Variants in NXPE3 observed in about 807,000 individuals in gnomAD.
NXPE3 encodes neurexophilin and PC-esterase domain family member 3.
Under a neutral mutation model 46.1 loss-of-function variants are expected in NXPE3, and 26 were observed. The ratio of observed to expected loss-of-function variants is 0.56; its 90% CI spans 0.41 to 0.78. NXPE3 has a LOEUF of 0.78. NXPE3 is among the 30% of genes least tolerant of loss of function. The pLI is 0.00. For synonymous variants in NXPE3, 272 were observed against 257.9 expected, an observed-to-expected ratio of 1.05 and a Z score of -0.52; for missense variants, 620 against 686.0, an observed-to-expected ratio of 0.90 and a Z score of 1.07.
Position 101,801,843 on chromosome 3 carries a change from C to T in NXPE3, c.702C>T (p.Pro234=). Residue 234 remains proline, a synonymous_variant, in exon 5 of 8, where the codon CCC becomes CCT. Coordinates refer to ENST00000273347, the MANE Select transcript of NXPE3 (RefSeq NM_145037.4). The part of the protein sequence containing the change: ...ECNVCLPGNL[P]LCNFTDLYTG... Reference sequence around the variant, plus strand: ...ACGTGTGTCTTCCTGGGAATCTGCCCCTGTGTAACTTTACAGACCTCTACA... The same window carrying T: ...ACGTGTGTCTTCCTGGGAATCTGCCTCTGTGTAACTTTACAGACCTCTACA... 6.2e-7 allele frequency: 1 copy of T among 1,614,044 alleles called. No homozygotes were observed. Among genetic ancestry groups the T allele is most frequent in the Middle Eastern group, 1.6e-4 (1 of 6,062 alleles).
At chr3:101,811,121 T>C (rs1941688414) in intron 6 of NXPE3, among the ~76,000 whole-genome samples, 1 of 152,120 alleles carries the variant, frequency 6.6e-6, no homozygotes. Context: ...CGCCCGGCCT[T>C]GAATGACCTT....
At chr3:101,793,717 G>GTTTTTA (rs1363855080) in intron 4 of NXPE3, among the ~76,000 whole-genome samples, 1 of 105,556 alleles carries the variant, frequency 9.5e-6, no homozygotes, top group Non-Finnish European at 1.9e-5. Context: ...TCAGGTTATT[G>GTTTTTA]TTTTTATTTT....
In NXPE3 at chr3:101,821,861, C is replaced by G; in HGVS notation, c.1587C>G (p.Ala529=). The G allele has an allele frequency of 6.2e-7, 1 of 1,614,052 alleles. No homozygotes were observed. The highest frequency in any genetic ancestry group is 1.6e-4 in the Middle Eastern group (1 of 6,062). ...TCGATGCCTGGGAGATGACCCTGGC[C>G]CATTATCTACCGCACAAGCTGCATC... ...YLVDAWEMTL[A]HYLPHKLHPD... is the part of the protein sequence containing the mutation. The change falls in exon 8 of 8, where the codon GCC becomes GCG. Residue 529 remains alanine, a synonymous_variant. Transcript: ENST00000273347.
chr3:101,815,599 C>T (rs1941933914), intron 6 of NXPE3, among the ~76,000 whole-genome samples: 1 of 152,164 alleles, frequency 6.6e-6, no homozygotes, highest in Non-Finnish European at 1.5e-5. Flanking sequence ...CATGGTGGCT[C>T]ACGCCTGTAA....
In NXPE3 at chr3:101,782,796, C is replaced by A. The variant is rs1939901248; in HGVS notation, c.-196+16C>A. On this transcript the variant is annotated intron_variant, in intron 3 of 7. Coordinates refer to ENST00000273347, the MANE Select transcript of NXPE3 (RefSeq NM_145037.4). The stretch of plus-strand genomic sequence containing the variant: ...GGGACTATAGGTGCGTACTACCATG[C>A]CCAGCTAATTAAAAAAAAATTTTTT... 1 of 152,034 alleles carries A rather than the reference C, an allele frequency of 6.6e-6. No homozygotes were observed. The highest frequency in any genetic ancestry group is 1.5e-5 in the Non-Finnish European group (1 of 68,028). 9.4% of individuals were successfully genotyped at this position (152,034 alleles called of 1,614,324 possible).
At chr3:101,807,010 A>G (rs764703130) in intron 5 of NXPE3, 43 bp from the exon 6 acceptor site, 1 of 1,320,798 alleles carries the variant, frequency 7.6e-7, no homozygotes, top group Admixed American at 1.7e-5. Context: ...CTGAAAATAA[A>G]TGTTCCTGAA....
At position 101,821,768 on chromosome 3, in the gene NXPE3, CGA is replaced by C; in HGVS notation, c.1495_1496del (p.Asp499LeufsTer41). ...LGPEVSLFNS[D>X]WYNFQLDTIL... is the part of the protein sequence containing the mutation. ...GACCTGAGGTGAGCCTTTTCAACAG[CGA>C]CTGGTACAACTTTCAGCTGGACACC... On this transcript the variant is annotated frameshift_variant, in exon 8 of 8. Transcript: ENST00000273347. LOFTEE classifies it high-confidence loss of function. The C allele has an allele frequency of 6.2e-7, 1 of 1,614,216 alleles. No homozygotes were observed. Among genetic ancestry groups the C allele is most frequent in the Non-Finnish European group, 8.5e-7 (1 of 1,180,032 alleles).
intron 6 of NXPE3, among the ~76,000 whole-genome samples, chr3:101,811,010 G>T (rs1431054508): frequency 4.6e-5 from 7 of 152,060 alleles, no homozygotes; most frequent in Admixed American, 3.9e-4. Flanking sequence ...AGTAGAGACG[G>T]GGTTTTCACT....
Position 101,785,609 on chromosome 3 carries a change from T to G in NXPE3, c.13T>G (p.Phe5Val), listed in dbSNP as rs777876100. MWTNFFKLRLFCCLL... is the reference protein window; with the variant it reads MWTNVFKLRLFCCLL... ...ACACAGCCAGACAATGTGGACCAAT[T>G]TCTTCAAACTACGGCTTTTCTGCTG... The change falls in exon 4 of 8, where the codon TTC becomes GTC. Residue 5 changes from phenylalanine (F) to valine (V), a missense_variant. Physicochemically the swap from Phe to Val is conservative, Grantham distance 50 (BLOSUM62 -1). Around this residue, in one of 3 missense-constraint regions of NXPE3, gnomAD observed 511 missense variants for 528.6 expected, o/e 0.97. Coordinates refer to ENST00000273347, the MANE Select transcript of NXPE3 (RefSeq NM_145037.4). 1 of 1,614,006 alleles carries G rather than the reference T, an allele frequency of 6.2e-7. No individual in the cohort carries two copies. The highest frequency in any genetic ancestry group is 1.1e-5 in the South Asian group (1 of 91,072).
chr3:101,798,489 A>G (rs909145653), intron 4 of NXPE3, among the ~76,000 whole-genome samples: 2 of 150,956 alleles, frequency 1.3e-5, no homozygotes, highest in Non-Finnish European at 2.9e-5. Context: ...GGCTCAAGCA[A>G]TCCTCATATA....
At chr3:101,796,401 T>A (rs1940831402) in intron 4 of NXPE3, among the ~76,000 whole-genome samples, 1 of 152,220 alleles carries the variant, frequency 6.6e-6, no homozygotes, top group Non-Finnish European at 1.5e-5. Context: ...ATTTTTGCAT[T>A]TTTGTCATTT....
intron 4 of NXPE3, among the ~76,000 whole-genome samples, chr3:101,793,781 A>G (rs992093005): frequency 6.6e-5 from 10 of 151,678 alleles, no homozygotes; most frequent in Non-Finnish European, 1.5e-4. Flanking sequence ...TAGTTTCTTT[A>G]TACACATATG....
At chr3:101,783,149 C>T (rs1422856944) in intron 3 of NXPE3, among the ~76,000 whole-genome samples, 1 of 152,174 alleles carries the variant, frequency 6.6e-6, no homozygotes, top group East Asian at 1.9e-4. Flanking sequence ...GCAAGCTCCG[C>T]CTCCCAGGTT....
chr3:101,792,341 C>T (rs1436125948), intron 4 of NXPE3, among the ~76,000 whole-genome samples: 6 of 152,116 alleles, frequency 3.9e-5, no homozygotes. Context: ...TTTGCCCATT[C>T]CTATGTCTGG....
chr3:101,801,772 A>G lies in NXPE3; in HGVS notation c.631A>G (p.Lys211Glu). 6.2e-7 allele frequency: 1 copy of G among 1,614,238 alleles called. No homozygotes were observed. The highest frequency in any genetic ancestry group is 8.5e-7 in the Non-Finnish European group (1 of 1,180,040). Residue 211 changes from lysine (K) to glutamate (E), a missense_variant, in exon 5 of 8, where the codon AAG becomes GAG. Coordinates refer to ENST00000273347, the MANE Select transcript of NXPE3 (RefSeq NM_145037.4). ...QEDKPDRVYF[K>E]SLFRSGRISE... is the part of the protein sequence containing the mutation. ...AGATAAACCAGACAGGGTCTATTTC[A>G]AGAGTCTCTTCCGTTCAGGAAGAAT... is the stretch of plus-strand genomic sequence containing the variant.
chr3:101,819,315 TAC>T (rs1942141781), intron 7 of NXPE3, among the ~76,000 whole-genome samples: 1 of 152,232 alleles, frequency 6.6e-6, no homozygotes, highest in Admixed American at 6.5e-5. Flanking sequence ...TGATGAATTA[TAC>T]AGAGTTTTTT....
chr3:101,798,110 T>C (rs1193178729), intron 4 of NXPE3, among the ~76,000 whole-genome samples: 1 of 147,708 alleles, frequency 6.8e-6, no homozygotes, highest in African/African-American at 2.5e-5. Flanking sequence ...TTTTAATGAT[T>C]GCCATTCTAA....
chr3:101,821,691 C>A lies in NXPE3; in HGVS notation c.1417C>A (p.Arg473=). The change falls in exon 8 of 8, where the codon CGA becomes AGA. Residue 473 remains arginine, a synonymous_variant. Coordinates refer to ENST00000273347, the MANE Select transcript of NXPE3 (RefSeq NM_145037.4). ...TCGAGCAGTGGTTCGGCTCCTCGAT[C>A]GAAGCCCAAAGACCGTGGTGGTCAT... is the stretch of plus-strand genomic sequence containing the variant. ...IRRAVVRLLD[R]SPKTVVVIRT... is the part of the protein sequence containing the mutation. The A allele has an allele frequency of 6.2e-7, 1 of 1,614,204 alleles. No individual in the cohort carries two copies. Among genetic ancestry groups the A allele is most frequent in the African/African-American group, 1.3e-5 (1 of 75,048 alleles).
Position 101,801,404 on chromosome 3 carries a change from AG to A in NXPE3, c.265del (p.Val89PhefsTer10), listed in dbSNP as rs770757464. 1 of 1,614,090 alleles carries A rather than the reference AG, an allele frequency of 6.2e-7. No individual in the cohort carries two copies. The highest frequency in any genetic ancestry group is 8.5e-7 in the Non-Finnish European group (1 of 1,180,046). ...TCCTTGCTGGCTGCCTTGCACCGGC[AG>A]GTTCCTGATGTGGGCCCAGTCCCCT... is the stretch of plus-strand genomic sequence containing the variant. ...EDSLLAALHRQVPDVGPVPFV... is the reference protein window; with the variant it reads ...EDSLLAALHRXVPDVGPVPFV... On this transcript the variant is annotated frameshift_variant, in exon 5 of 8. Coordinates refer to ENST00000273347, the MANE Select transcript of NXPE3 (RefSeq NM_145037.4). LOFTEE classifies it high-confidence loss of function.
Sources: gnomAD v4.1 joint callset for allele counts (sites outside exome capture counted in the v4.1 genomes callset) on GRCh38, gnomAD v4.1.1 for gene constraint, gnomAD v4.1.1 regional missense constraint, MANE v1.5 for transcripts, NCBI Gene and HGNC (gene_info 2026-07-23, HGNC 2026-07-21) for gene names.